Variants in NTNG1 observed in about 807,000 individuals in gnomAD.
NTNG1 encodes the protein netrin-G1.
In NTNG1, 16 loss-of-function variants were observed where a neutral mutation model predicts 54.0. That is an observed-to-expected ratio of 0.30 (90% CI 0.20 to 0.45). The LOEUF (loss-of-function observed/expected upper bound fraction) is 0.45, where lower values mean the gene tolerates loss of function less well. NTNG1 is among the 20% of genes least tolerant of loss of function. NTNG1 has a pLI of 1.00. For missense variants in NTNG1, 530 were observed against 678.7 expected (o/e 0.78, Z 2.43); for synonymous variants, 255 against 263.1 (o/e 0.97, Z 0.30).
intron 2 of NTNG1, among the ~76,000 whole-genome samples, chr1:107,233,812 T>C (rs183834710): frequency 6.6e-6 from 1 of 152,332 alleles, no homozygotes; most frequent in African/African-American, 2.4e-5. Context: ...TTTTGCTCCT[T>C]TTTATATTAA....
intron 2 of NTNG1, among the ~76,000 whole-genome samples, chr1:107,201,047 T>A (rs984467787): frequency 1.1e-4 from 17 of 151,884 alleles, no homozygotes; most frequent in African/African-American, 2.7e-4. Flanking sequence ...TCAATTTTTT[T>A]AAAAATTAAA....
At chr1:107,291,007 G>T (rs998472208) in intron 2 of NTNG1, among the ~76,000 whole-genome samples, 1 of 134,510 alleles carries the variant, frequency 7.4e-6, no homozygotes, top group Non-Finnish European at 1.6e-5. Context: ...ACATACACAC[G>T]CATATATATG....
chr1:107,190,957 G>A (rs1029627742), intron 2 of NTNG1, among the ~76,000 whole-genome samples: 3 of 152,142 alleles, frequency 2.0e-5, no homozygotes, highest in Non-Finnish European at 2.9e-5. Context: ...TGGGATGGCT[G>A]GGTCAAATGG....
chr1:107,208,880 C>T (rs1007304653), intron 2 of NTNG1, among the ~76,000 whole-genome samples: 2 of 152,070 alleles, frequency 1.3e-5, no homozygotes, highest in Non-Finnish European at 2.9e-5. Context: ...GACTTCACCA[C>T]CACTACTGCC....
intron 7 of NTNG1, among the ~76,000 whole-genome samples, chr1:107,466,947 G>T (rs1465618965): frequency 6.6e-6 from 1 of 152,158 alleles, no homozygotes; most frequent in Non-Finnish European, 1.5e-5. Flanking sequence ...AAGCAGATCT[G>T]TTCTCACTCA....
chr1:107,430,586 G>A (rs975111599), intron 5 of NTNG1, 164 bp from the exon 6 acceptor site: 3 of 774,790 alleles, frequency 3.9e-6, no homozygotes, highest in African/African-American at 1.7e-5. Context: ...TGCTATTTCC[G>A]TGCCAGTCAC....
chr1:107,418,965 C>A (rs893670982), intron 5 of NTNG1, among the ~76,000 whole-genome samples: 1 of 151,986 alleles, frequency 6.6e-6, no homozygotes, highest in Non-Finnish European at 1.5e-5. Context: ...GTGAGTGGCA[C>A]AGGCATCCTT....
At chr1:107,320,778 A>G (rs540606723) in intron 2 of NTNG1, among the ~76,000 whole-genome samples, 111 of 144,766 alleles carry the variant, frequency 7.7e-4, no homozygotes, top group Middle Eastern at 8.6e-3. Flanking sequence ...TCAGTAAGTT[A>G]TGTTAATAGC....
At chr1:107,462,840 G>A (rs1277897689) in intron 7 of NTNG1, among the ~76,000 whole-genome samples, 1 of 152,206 alleles carries the variant, frequency 6.6e-6, no homozygotes, top group Non-Finnish European at 1.5e-5. Context: ...CTGCCTTACA[G>A]TGAAAACATG....
intron 7 of NTNG1, among the ~76,000 whole-genome samples, chr1:107,456,072 G>T (rs1676938076): frequency 6.6e-6 from 1 of 152,172 alleles, no homozygotes; most frequent in Admixed American, 6.5e-5. Flanking sequence ...CTATGATGAT[G>T]GGAGGCAGGT....
chr1:107,470,978 A>G (rs1475268617), intron 7 of NTNG1, among the ~76,000 whole-genome samples: 1 of 152,220 alleles, frequency 6.6e-6, no homozygotes, highest in African/African-American at 2.4e-5. Flanking sequence ...CCTGCATCAG[A>G]GTCACCTGTC....
At chr1:107,194,849 G>A (rs886622697) in intron 2 of NTNG1, among the ~76,000 whole-genome samples, 2 of 151,850 alleles carry the variant, frequency 1.3e-5, no homozygotes, top group Non-Finnish European at 2.9e-5. Flanking sequence ...TATCTATGGC[G>A]ATCAACTAGA....
intron 3 of NTNG1, among the ~76,000 whole-genome samples, chr1:107,394,658 CTAAGAA>C (rs1187648442): frequency 2.0e-5 from 3 of 152,112 alleles, no homozygotes; most frequent in African/African-American, 4.8e-5. Flanking sequence ...TCTTGGGTTT[CTAAGAA>C]TAAGTCTGAA....
At chr1:107,455,413 A>G (rs984417266) in intron 7 of NTNG1, among the ~76,000 whole-genome samples, 2 of 152,248 alleles carry the variant, frequency 1.3e-5, no homozygotes, top group African/African-American at 4.8e-5. Context: ...AGTGTTGTCC[A>G]GTAGCCTAAT....
At chr1:107,459,800 T>G (rs1477624608) in intron 7 of NTNG1, among the ~76,000 whole-genome samples, 1 of 152,122 alleles carries the variant, frequency 6.6e-6, no homozygotes, top group African/African-American at 2.4e-5. Flanking sequence ...TTTGGAATGT[T>G]TTAACACAAG....
At chr1:107,311,891 ACAC>A (rs1667039696) in intron 2 of NTNG1, among the ~76,000 whole-genome samples, 1 of 152,226 alleles carries the variant, frequency 6.6e-6, no homozygotes, top group Non-Finnish European at 1.5e-5. Flanking sequence ...TGAGGTGTGA[ACAC>A]CACAAGTGAG....
At chr1:107,311,117 T>G (rs988686428) in intron 2 of NTNG1, among the ~76,000 whole-genome samples, 1 of 152,152 alleles carries the variant, frequency 6.6e-6, no homozygotes, top group African/African-American at 2.4e-5. Context: ...CTACCTTATA[T>G]CTGACAATTT....
intron 2 of NTNG1, among the ~76,000 whole-genome samples, chr1:107,256,694 G>T (rs946212678): frequency 2.6e-5 from 4 of 152,194 alleles, no homozygotes; most frequent in African/African-American, 9.6e-5. Context: ...CCATGAGCCT[G>T]GACGGGAGGA....
At chr1:107,344,510 G>T (rs1348365175) in intron 3 of NTNG1, among the ~76,000 whole-genome samples, 2 of 152,156 alleles carry the variant, frequency 1.3e-5, no homozygotes, top group African/African-American at 4.8e-5. Flanking sequence ...GGCCTCCCCA[G>T]TATACTTGCT....
Sources: gnomAD v4.1 joint callset for allele counts (sites outside exome capture counted in the v4.1 genomes callset) on GRCh38, gnomAD v4.1.1 for gene constraint, MANE v1.5 for transcripts, NCBI Gene and HGNC (gene_info 2026-07-23, HGNC 2026-07-21) for gene names.